TOGARAM2: variants seen among roughly 807,000 people sequenced by gnomAD.
The protein encoded by TOGARAM2 is TOG array regulator of axonemal microtubules protein 2.
In TOGARAM2, 85 loss-of-function variants were observed where a neutral mutation model predicts 93.3. The observed-to-expected ratio is 0.91, with a 90% CI of 0.76 to 1.09. The LOEUF is 1.09. Among genes scored for constraint, TOGARAM2 ranks in the 50% least tolerant of loss-of-function variants. TOGARAM2 has a pLI of 0.00. For synonymous variants in TOGARAM2, 593 were observed against 552.8 expected (o/e 1.07, Z -1.02); for missense variants, 1,277 against 1,334.5 (o/e 0.96, Z 0.67).
upstream of TOGARAM2, among the ~76,000 whole-genome samples, chr2:28,981,036 G>T (rs1672162329): frequency 6.6e-6 from 1 of 152,224 alleles, no homozygotes; most frequent in South Asian, 2.1e-4. Context: ...GAGGCCATGT[G>T]AGCAAAACCA....
At position 29,011,462 on chromosome 2, in the gene TOGARAM2, C is replaced by CG; in HGVS notation, c.843dup (p.Ser282GlufsTer47). 6.2e-7 allele frequency: 1 copy of CG among 1,609,344 alleles called. No homozygotes were observed. The highest frequency in any genetic ancestry group is 1.3e-5 in the African/African-American group (1 of 74,728). On this transcript the variant is annotated frameshift_variant, in exon 7 of 20. Coordinates refer to ENST00000379558, the MANE Select transcript of TOGARAM2 (RefSeq NM_199280.4). LOFTEE classifies it high-confidence loss of function. ...CTCCCCCGTTCTTTTAAGATTGGCT[C>CG]GGGGGAGTGGGCCTCGGGAGAAGAC... is the stretch of plus-strand genomic sequence containing the variant.
At chr2:29,051,474 C>T (rs1667062458) in intron 19 of TOGARAM2, 2 of 264,130 alleles carry the variant, frequency 7.6e-6, no homozygotes. Flanking sequence ...CATATTTCTG[C>T]CTTTGCGTGC....
intron 7 of TOGARAM2, among the ~76,000 whole-genome samples, chr2:29,013,476 G>A (rs1194427879): frequency 6.6e-6 from 1 of 152,192 alleles, no homozygotes; most frequent in African/African-American, 2.4e-5. Flanking sequence ...GTCCAAGTTC[G>A]AAAGCCTCAA....
intron 18 of TOGARAM2, among the ~76,000 whole-genome samples, chr2:29,037,826 T>C (rs1368726125): frequency 2.0e-5 from 3 of 152,250 alleles, no homozygotes; most frequent in African/African-American, 7.2e-5. Flanking sequence ...TTACGGCTTG[T>C]TCTCAGCATT....
Position 29,051,766 on chromosome 2 carries a change from C to G in TOGARAM2, c.2733C>G (p.Ala911=). The change falls in exon 20 of 20, where the codon GCC becomes GCG. Residue 911 remains alanine, a synonymous_variant. Coordinates refer to ENST00000379558, the MANE Select transcript of TOGARAM2 (RefSeq NM_199280.4). Reference sequence around the variant, plus strand: ...TTTTCTGCCTGACAGTGCTGGTGGCCTCAGTTTACCCCCGGAAGCCTCAAG... The same window carrying G: ...TTTTCTGCCTGACAGTGCTGGTGGCGTCAGTTTACCCCCGGAAGCCTCAAG... ...DVTDRLAVLV[A]SVYPRKPQAV... 6.6e-7 allele frequency: 1 copy of G among 1,508,726 alleles called. No homozygotes were observed. Among genetic ancestry groups the G allele is most frequent in the Non-Finnish European group, 8.9e-7 (1 of 1,119,958 alleles). The allele number at this position is 1,508,726 out of a possible 1,614,324, so 93.5% of individuals were successfully genotyped here.
At chr2:29,014,625 A>G (rs1466281081) in intron 8 of TOGARAM2, 64 bp downstream of exon 8, 2 of 1,527,186 alleles carry the variant, frequency 1.3e-6, no homozygotes, top group Non-Finnish European at 1.8e-6. Flanking sequence ...CAGGAAGGCA[A>G]GCAAGTGTCT....
At chr2:28,988,833 A>G (rs1422414358) in intron 1 of TOGARAM2, among the ~76,000 whole-genome samples, 1 of 152,032 alleles carries the variant, frequency 6.6e-6, no homozygotes, top group East Asian at 1.9e-4. Flanking sequence ...GCTCTCACTA[A>G]GCTCCCGATG....
At chr2:28,972,751 T>C (rs1345335122) in intron 1 of TOGARAM2, among the ~76,000 whole-genome samples, 1 of 152,102 alleles carries the variant, frequency 6.6e-6, no homozygotes, top group African/African-American at 2.4e-5. Flanking sequence ...GGACTGTGTC[T>C]TACATGTCCT....
At chr2:28,988,561 C>T (rs928615975) in intron 1 of TOGARAM2, among the ~76,000 whole-genome samples, 2 of 152,164 alleles carry the variant, frequency 1.3e-5, no homozygotes, top group African/African-American at 4.8e-5. Flanking sequence ...TCTTTCTCCT[C>T]CTCCTGTGAA....
intron 1 of TOGARAM2, among the ~76,000 whole-genome samples, chr2:28,964,294 T>C (rs1671838426): frequency 6.6e-6 from 1 of 152,248 alleles, no homozygotes; most frequent in South Asian, 2.1e-4. Flanking sequence ...CATTATGAAA[T>C]GTCCATCTTT....
rs1202614272 is a variant in TOGARAM2, at chr2:29,002,588, C to T, written c.480C>T (p.Ile160=). Residue 160 remains isoleucine, a synonymous_variant, in exon 5 of 20, where the codon ATC becomes ATT. Coordinates refer to ENST00000379558, the MANE Select transcript of TOGARAM2 (RefSeq NM_199280.4). ...AAGGAGTTCCCCTGCACAGCACCATCCCCCGAGCCACCTCTCAGAGGCTGC... is the reference window on the plus strand; with the variant it reads ...AAGGAGTTCCCCTGCACAGCACCATTCCCCGAGCCACCTCTCAGAGGCTGC... ...GPQGVPLHST[I]PRATSQRLLR... The T allele has an allele frequency of 6.2e-7, 1 of 1,614,028 alleles. No homozygotes were observed. The highest frequency in any genetic ancestry group is 1.1e-5 in the South Asian group (1 of 91,074).
intron 14 of TOGARAM2, among the ~76,000 whole-genome samples, chr2:29,027,741 T>C (rs1452295712): frequency 6.6e-6 from 1 of 152,122 alleles, no homozygotes. Flanking sequence ...GACTGAGGGT[T>C]CAGAGAACCT....
intron 13 of TOGARAM2, among the ~76,000 whole-genome samples, chr2:29,025,302 C>T (rs1307102976): frequency 6.6e-6 from 1 of 152,186 alleles, no homozygotes; most frequent in Non-Finnish European, 1.5e-5. Flanking sequence ...TGAATTGACT[C>T]ACGAAAGCGC....
At chr2:28,959,004 T>TA (rs1386236074) in intron 1 of TOGARAM2, among the ~76,000 whole-genome samples, 2 of 152,142 alleles carry the variant, frequency 1.3e-5, no homozygotes, top group African/African-American at 4.8e-5. Context: ...GGAACCTGAA[T>TA]GACTGTAGCC....
chr2:29,007,548 A>C (rs1572691848), intron 6 of TOGARAM2, among the ~76,000 whole-genome samples: 5 of 149,402 alleles, frequency 3.3e-5, no homozygotes, highest in South Asian at 2.1e-4. Context: ...TTCCTTCTTG[A>C]CCTCCCCTAA....
chr2:29,051,806 G>T lies in TOGARAM2; in HGVS notation c.2773G>T (p.Val925Phe). ...PRKPQAVERH[V>F]LPILWHFLNT... ...GAAGCCTCAAGCTGTAGAGCGGCAT[G>T]TCCTTCCCATCCTCTGGCACTTCCT... Residue 925 changes from valine to phenylalanine, a missense_variant, in exon 20 of 20, where the codon GTC becomes TTC. Transcript: ENST00000379558. 1 of 1,557,782 alleles carries T rather than the reference G, an allele frequency of 6.4e-7. No homozygotes were observed. The highest frequency in any genetic ancestry group is 1.9e-5 in the Admixed American group (1 of 52,700).
intron 18 of TOGARAM2, among the ~76,000 whole-genome samples, chr2:29,037,118 T>C (rs761039777): frequency 6.6e-6 from 1 of 150,878 alleles, no homozygotes; most frequent in Admixed American, 6.6e-5. Context: ...TTTGTGGTGA[T>C]GGGCAGGGAG....
intron 1 of TOGARAM2, among the ~76,000 whole-genome samples, chr2:28,983,992 C>G (rs151100440): frequency 2.0e-4 from 31 of 152,182 alleles, no homozygotes; most frequent in Non-Finnish European, 3.7e-4. Flanking sequence ...CTCAGCCCCT[C>G]ATGGTGCTCA....
chr2:29,040,746 A>T (rs1666381835), intron 18 of TOGARAM2, among the ~76,000 whole-genome samples: 1 of 151,988 alleles, frequency 6.6e-6, no homozygotes, highest in Non-Finnish European at 1.5e-5. Flanking sequence ...GGCAGTTGCG[A>T]TTTTCCTGCC....
Sources: allele counts gnomAD v4.1 joint callset (sites outside exome capture counted in the v4.1 genomes callset), GRCh38; gene constraint gnomAD v4.1.1; transcripts MANE v1.5; gene names NCBI Gene and HGNC (gene_info 2026-07-23, HGNC 2026-07-21).